ZNF407: variants seen among roughly 807,000 people sequenced by gnomAD.
ZNF407 encodes the protein zinc finger protein 407.
Under a neutral mutation model 131.2 loss-of-function variants are expected in ZNF407, and 17 were observed. The observed-to-expected ratio is 0.13, with a 90% CI of 0.09 to 0.19. The LOEUF is 0.19. ZNF407 is among the 10% of genes least tolerant of loss of function. The pLI is 1.00. For synonymous variants in ZNF407, 1,156 were observed against 1,062.0 expected (o/e 1.09, Z -1.72); for missense variants, 2,681 against 2,830.6 (o/e 0.95, Z 1.20).
rs768068717 is a variant in ZNF407 at position 74,632,635 on chromosome 18, A to G, written c.1616A>G (p.Asn539Ser). The G allele has an allele frequency of 8.1e-6, 13 of 1,614,068 alleles. No homozygotes were observed. The East Asian group carries it at 2.5e-4, about 30-fold the overall frequency. The change falls in exon 2 of 9, where the codon AAT (asparagine) becomes AGT (serine). Residue 539 changes from asparagine (N) to serine (S), a missense_variant. Transcript: ENST00000299687. ...ACTDCGQVAT[N>S]RTDLEIHVKR... Reference sequence around the variant, plus strand: ...ACAGACTGTGGGCAAGTAGCTACAAATAGGACAGATTTGGAAATCCATGTG... The same window carrying G: ...ACAGACTGTGGGCAAGTAGCTACAAGTAGGACAGATTTGGAAATCCATGTG...
At chr18:74,860,171 G>A (rs942749417) in intron 4 of ZNF407, among the ~76,000 whole-genome samples, 1 of 152,022 alleles carries the variant, frequency 6.6e-6, no homozygotes, top group Non-Finnish European at 1.5e-5. Context: ...ATCAGGTGTG[G>A]TGGTGCGTGC....
At chr18:74,960,346 A>G (rs1454155174) in intron 8 of ZNF407, among the ~76,000 whole-genome samples, 1 of 147,266 alleles carries the variant, frequency 6.8e-6, no homozygotes, top group East Asian at 2.1e-4. Context: ...TGGTGGAGGG[A>G]TAGGAGAAGG....
chr18:75,042,036 A>G (rs1321065664), intron 8 of ZNF407, among the ~76,000 whole-genome samples: 1 of 150,098 alleles, frequency 6.7e-6, no homozygotes, highest in Non-Finnish European at 1.5e-5. Flanking sequence ...TGCCCTTTGA[A>G]TTAGCCTTGC....
intron 8 of ZNF407, among the ~76,000 whole-genome samples, chr18:74,925,839 A>G (rs531009105): frequency 3.1e-4 from 47 of 152,168 alleles, no homozygotes; most frequent in Non-Finnish European, 5.3e-4. Context: ...ACTCCTATTA[A>G]ATTGTACTTC....
chr18:74,915,634 G>A (rs1396895510), intron 7 of ZNF407, among the ~76,000 whole-genome samples: 1 of 132,236 alleles, frequency 7.6e-6, no homozygotes, highest in African/African-American at 2.9e-5. Flanking sequence ...GTGTGTGTGT[G>A]TGTGCGTGCA....
At chr18:74,655,729 A>G (rs1334902376) in intron 3 of ZNF407, among the ~76,000 whole-genome samples, 1 of 152,156 alleles carries the variant, frequency 6.6e-6, no homozygotes, top group Non-Finnish European at 1.5e-5. Context: ...GTGTGAGTGC[A>G]CACACATGCA....
At chr18:74,893,878 G>A (rs925762105) in intron 7 of ZNF407, among the ~76,000 whole-genome samples, 1 of 151,992 alleles carries the variant, frequency 6.6e-6, no homozygotes, top group African/African-American at 2.4e-5. Flanking sequence ...AATTATTCCT[G>A]TGGAGTATTC....
At chr18:74,706,823 G>A (rs1346711903) in intron 3 of ZNF407, among the ~76,000 whole-genome samples, 5 of 152,118 alleles carry the variant, frequency 3.3e-5, no homozygotes, top group Admixed American at 1.3e-4. Context: ...CTCATTCTCC[G>A]TGATGGACAC....
intron 6 of ZNF407, among the ~76,000 whole-genome samples, chr18:74,885,188 T>A (rs1971291373): frequency 6.6e-6 from 1 of 152,160 alleles, no homozygotes; most frequent in Non-Finnish European, 1.5e-5. Flanking sequence ...CTTGGGGGTA[T>A]AATGATGGCA....
chr18:74,812,635 G>A (rs1213522877), intron 4 of ZNF407, among the ~76,000 whole-genome samples: 1 of 152,038 alleles, frequency 6.6e-6, no homozygotes, highest in Non-Finnish European at 1.5e-5. Context: ...GAATGTAGGG[G>A]TTGTTGTTTT....
At chr18:74,883,223 C>T (rs948092139) in intron 6 of ZNF407, among the ~76,000 whole-genome samples, 1 of 152,186 alleles carries the variant, frequency 6.6e-6, no homozygotes, top group African/African-American at 2.4e-5. Flanking sequence ...AAACATGATT[C>T]TTTAACACCA....
chr18:74,667,600 A>T (rs1303734013), intron 3 of ZNF407, among the ~76,000 whole-genome samples: 1 of 152,186 alleles, frequency 6.6e-6, no homozygotes, highest in East Asian at 1.9e-4. Context: ...GAAGAATGGA[A>T]ACTCAGACTT....
chr18:74,681,486 T>A (rs1026379819), intron 3 of ZNF407, among the ~76,000 whole-genome samples: 1 of 152,142 alleles, frequency 6.6e-6, no homozygotes, highest in African/African-American at 2.4e-5. Context: ...CAAGTGATCC[T>A]CCCACCTTGG....
chr18:74,869,565 A>G (rs1324452756), intron 4 of ZNF407, among the ~76,000 whole-genome samples: 1 of 152,224 alleles, frequency 6.6e-6, no homozygotes, highest in Non-Finnish European at 1.5e-5. Context: ...AACCCTGAGA[A>G]TGGGGCTTAA....
chr18:74,861,895 A>T (rs1970942740), intron 4 of ZNF407, among the ~76,000 whole-genome samples: 1 of 152,228 alleles, frequency 6.6e-6, no homozygotes, highest in Non-Finnish European at 1.5e-5. Context: ...CTTGAGGATA[A>T]ATTGAAGTTT....
chr18:74,925,514 A>T (rs1599247141), intron 8 of ZNF407, among the ~76,000 whole-genome samples: 1 of 152,240 alleles, frequency 6.6e-6, no homozygotes, highest in Non-Finnish European at 1.5e-5. Flanking sequence ...ACATAAAAAA[A>T]TTTCCTTTGT....
intron 3 of ZNF407, among the ~76,000 whole-genome samples, chr18:74,697,293 T>G (rs1967382493): frequency 6.6e-6 from 1 of 152,192 alleles, no homozygotes; most frequent in South Asian, 2.1e-4. Context: ...ATATATATCC[T>G]TTGGCACATA....
Position 74,631,362 on chromosome 18 carries a change from A to T in ZNF407, c.343A>T (p.Thr115Ser). The T allele has an allele frequency of 6.2e-7, 1 of 1,613,928 alleles. No individual in the cohort carries two copies. Among genetic ancestry groups the T allele is most frequent in the Non-Finnish European group, 8.5e-7 (1 of 1,179,874 alleles). ...GIALDETGKE[T>S]FLSDCTVGGT... ...TGCATTAGATGAAACAGGGAAGGAG[A>T]CCTTTCTGAGTGACTGCACAGTTGG... Residue 115 changes from threonine to serine, a missense_variant, in exon 2 of 9, where the codon ACC (threonine) becomes TCC (serine). Physicochemically the swap from Thr to Ser is moderately conservative, Grantham distance 58. Coordinates refer to ENST00000299687, the MANE Select transcript of ZNF407 (RefSeq NM_017757.3).
intron 8 of ZNF407, among the ~76,000 whole-genome samples, chr18:75,010,883 T>G (rs1389451735): frequency 6.6e-6 from 1 of 152,170 alleles, no homozygotes; most frequent in African/African-American, 2.4e-5. Flanking sequence ...CATGAAATGC[T>G]GCCCTGTCAT....
Sources: allele counts gnomAD v4.1 joint callset (sites outside exome capture counted in the v4.1 genomes callset), GRCh38; gene constraint gnomAD v4.1.1; transcripts MANE v1.5; gene names NCBI Gene and HGNC (gene_info 2026-07-23, HGNC 2026-07-21).